The following SENP6 variants were observed in gnomAD, a reference collection of about 807,000 sequenced individuals.
The protein encoded by SENP6 is sentrin-specific protease 6.
Under a neutral mutation model 134.5 loss-of-function variants are expected in SENP6, and 41 were observed. The ratio of observed to expected loss-of-function variants is 0.30; its 90% CI spans 0.24 to 0.40. The LOEUF is 0.40. Among genes scored for constraint, SENP6 ranks in the 10% least tolerant of loss-of-function variants. The pLI is 1.00. For synonymous variants in SENP6, 395 were observed against 429.8 expected (o/e 0.92, Z 1.00); for missense variants, 1,248 against 1,312.5 (o/e 0.95, Z 0.76).
At chr6:75,694,401 G>A (rs1774511971) in intron 16 of SENP6, among the ~76,000 whole-genome samples, 1 of 152,158 alleles carries the variant, frequency 6.6e-6, no homozygotes, top group African/African-American at 2.4e-5. Context: ...TAACTGAACT[G>A]TTTAAAATGA....
intron 18 of SENP6, among the ~76,000 whole-genome samples, chr6:75,701,633 CTTTTTTT>C (rs60715314): frequency 1.2e-5 from 1 of 80,140 alleles, no homozygotes; most frequent in African/African-American, 5.0e-5. Context: ...ACAGTTTAAT[CTTTTTTT>C]TTTTTTTTTT....
chr6:75,637,708 G>T (rs913219637), intron 5 of SENP6, among the ~76,000 whole-genome samples: 2 of 151,858 alleles, frequency 1.3e-5, no homozygotes, highest in South Asian at 4.2e-4. Context: ...AAGGTTCTTA[G>T]AAGTCTTTTT....
chr6:75,630,896 G>GA (rs753324185), intron 3 of SENP6, among the ~76,000 whole-genome samples: 6 of 150,706 alleles, frequency 4.0e-5, no homozygotes, highest in South Asian at 2.1e-4. Context: ...AGCAAAAAAG[G>GA]AAAAAAAATG....
intron 19 of SENP6, among the ~76,000 whole-genome samples, chr6:75,705,558 A>AATT (rs1562072717): frequency 2.0e-5 from 3 of 150,538 alleles, no homozygotes; most frequent in Non-Finnish European, 4.4e-5. Context: ...ATAAATAAAT[A>AATT]AATTAATTAA....
chr6:75,675,996 G>A lies in SENP6; in HGVS notation c.1563G>A (p.Leu521=), dbSNP rs746288117. 1 of 1,611,564 alleles carries A rather than the reference G, an allele frequency of 6.2e-7. No individual in the cohort carries two copies. Among genetic ancestry groups the A allele is most frequent in the South Asian group, 1.1e-5 (1 of 90,640 alleles). The change falls in exon 13 of 24, where the codon CTG becomes CTA. Residue 521 remains leucine, a synonymous_variant. Transcript: ENST00000447266. The part of the protein sequence containing the change: ...PAVYQKLSIQ[L]QMNKEDKVWN... ...TTTATCAAAAGCTGAGCATCCAACT[G>A]CAAATGAATAAGGAGGATAAAGTTT...
chr6:75,675,763 C>A, intron 12 of SENP6, 97 bp from the exon 13 acceptor site: 1 of 1,080,036 alleles, frequency 9.3e-7, no homozygotes, highest in Non-Finnish European at 1.4e-6. Flanking sequence ...TAAATATGTG[C>A]TTACATTTAC....
chr6:75,602,412 C>T lies in SENP6; in HGVS notation c.-113C>T, dbSNP rs1582630674. 1 of 1,275,864 alleles carries T rather than the reference C, an allele frequency of 7.8e-7. No individual in the cohort carries two copies. The highest frequency in any genetic ancestry group is 1.1e-6 in the Non-Finnish European group (1 of 913,120). The allele number at this position is 1,275,864 out of a possible 1,614,324, so 79.0% of individuals were successfully genotyped here. ...GCGCAGCCCGCCTGACGGCTGAGCC[C>T]GAGGCCCGCAACCCTGCGGCGTCTA... On this transcript the variant is annotated 5_prime_UTR_variant, in exon 1 of 24. Coordinates refer to ENST00000447266, the MANE Select transcript of SENP6 (RefSeq NM_015571.4).
chr6:75,714,301 C>G (rs1416206237), intron 23 of SENP6, among the ~76,000 whole-genome samples: 1 of 152,226 alleles, frequency 6.6e-6, no homozygotes, highest in Non-Finnish European at 1.5e-5. Flanking sequence ...CTTCCTCACT[C>G]TCTTGCTTTG....
At chr6:75,654,726 C>G (rs1233051439) in intron 7 of SENP6, among the ~76,000 whole-genome samples, 1 of 152,162 alleles carries the variant, frequency 6.6e-6, no homozygotes, top group Non-Finnish European at 1.5e-5. Context: ...ACTTATTTTT[C>G]AGCGTATTAG....
chr6:75,608,444 G>A (rs1053246115), intron 1 of SENP6, among the ~76,000 whole-genome samples: 2 of 150,858 alleles, frequency 1.3e-5, no homozygotes, highest in African/African-American at 4.9e-5. Flanking sequence ...GGGTGACAGA[G>A]CTGAGAAGAA....
chr6:75,634,762 T>C lies in SENP6; in HGVS notation c.409T>C (p.Phe137Leu). 1.9e-6 allele frequency: 3 copies of C among 1,597,572 alleles called. No homozygotes were observed. The highest frequency in any genetic ancestry group is 2.5e-6 in the Non-Finnish European group (3 of 1,176,480). ...CSGTVVHGRR[F>L]HHAHAQIPVV... ...TGGAACTGTAGTTCATGGTAGACGTTTTCATCATGCTCATGCACAGATACC... is the reference window on the plus strand; with the variant it reads ...TGGAACTGTAGTTCATGGTAGACGTCTTCATCATGCTCATGCACAGATACC... The change falls in exon 5 of 24, where the codon TTT becomes CTT. Residue 137 changes from phenylalanine (F) to leucine (L), a missense_variant. This residue lies in a region of SENP6 where 733 missense variants were observed against 725.4 expected (regional missense o/e 1.01). Transcript: ENST00000447266.
intron 16 of SENP6, chr6:75,679,640 TTACATTATGACCCAATA>T (rs1443659502): frequency 5.9e-5 from 9 of 152,370 alleles, no homozygotes; most frequent in Non-Finnish European, 8.8e-5. Flanking sequence ...CTGGAAGAGC[TTACATTATGACCCAATA>T]TACATTATGA....
At chr6:75,609,231 A>G (rs1204571671) in intron 1 of SENP6, among the ~76,000 whole-genome samples, 2 of 152,148 alleles carry the variant, frequency 1.3e-5, no homozygotes, top group East Asian at 1.9e-4. Context: ...TTGCTTCCCT[A>G]TTCTTACTCT....
intron 23 of SENP6, among the ~76,000 whole-genome samples, chr6:75,714,610 T>A (rs1345854263): frequency 6.6e-6 from 1 of 152,186 alleles, no homozygotes; most frequent in Non-Finnish European, 1.5e-5. Context: ...GGCTGTTGAT[T>A]TACAGACCAA....
chr6:75,601,980 A>G lies in SENP6; in HGVS notation c.-545A>G. On this transcript the variant is annotated 5_prime_UTR_variant, in exon 1 of 24. Transcript: ENST00000447266. ...CAGTCGCAAAGGCCTCCGCTGATGC[A>G]TTCACGCCTGGGCGGGGTGGGCGGA... The G allele has an allele frequency of 6.5e-6, 1 of 153,464 alleles. No individual in the cohort carries two copies. 9.5% of individuals were successfully genotyped at this position (153,464 alleles called of 1,614,324 possible).
chr6:75,657,686 T>C (rs940528086), intron 7 of SENP6, among the ~76,000 whole-genome samples: 1 of 152,214 alleles, frequency 6.6e-6, no homozygotes, highest in Non-Finnish European at 1.5e-5. Flanking sequence ...TAATTTCTGC[T>C]CTTCCCAGAG....
At chr6:75,628,715 A>G (rs1216727682) in intron 3 of SENP6, among the ~76,000 whole-genome samples, 10 of 152,090 alleles carry the variant, frequency 6.6e-5, no homozygotes, top group Non-Finnish European at 7.4e-5. Context: ...CTATAGTATT[A>G]TCATACAATT....
intron 1 of SENP6, among the ~76,000 whole-genome samples, chr6:75,606,564 A>G (rs1028864193): frequency 6.6e-6 from 1 of 152,200 alleles, no homozygotes; most frequent in African/African-American, 2.4e-5. Flanking sequence ...GTAAAAAATA[A>G]TAAAATAATA....
intron 1 of SENP6, among the ~76,000 whole-genome samples, chr6:75,613,085 G>C (rs979406613): frequency 2.6e-5 from 4 of 151,444 alleles, no homozygotes; most frequent in Non-Finnish European, 4.4e-5. Context: ...CTGCACTCCA[G>C]CCTGCGTGAC....
Sources: gnomAD v4.1 joint callset for allele counts (sites outside exome capture counted in the v4.1 genomes callset) on GRCh38, gnomAD v4.1.1 for gene constraint, gnomAD v4.1.1 regional missense constraint, MANE v1.5 for transcripts, NCBI Gene and HGNC (gene_info 2026-07-23, HGNC 2026-07-21) for gene names.